The following ENPP1 variants were observed in gnomAD, a reference collection of about 807,000 sequenced individuals.
The protein encoded by ENPP1 is ectonucleotide pyrophosphatase/phosphodiesterase 1.
A neutral mutation model predicts 122.8 loss-of-function variants in ENPP1; 73 were observed. The observed-to-expected ratio is 0.59, with a 90% CI of 0.49 to 0.72. The LOEUF is 0.72. Ranked by LOEUF, ENPP1 falls within the 30% of genes least tolerant of loss-of-function variation. ENPP1 has a pLI of 0.00. For missense variants in ENPP1, 978 were observed against 1,128.1 expected (o/e 0.87, Z 1.91); for synonymous variants, 367 against 391.6 (o/e 0.94, Z 0.74).
intron 5 of ENPP1, among the ~76,000 whole-genome samples, chr6:131,854,264 T>C (rs1182607776): frequency 6.6e-6 from 1 of 151,812 alleles, no homozygotes; most frequent in East Asian, 1.9e-4. Context: ...AATAAATAAA[T>C]TAGCCAGGCA....
At chr6:131,823,270 A>G (rs1781503870) in intron 1 of ENPP1, among the ~76,000 whole-genome samples, 1 of 152,154 alleles carries the variant, frequency 6.6e-6, no homozygotes, top group Non-Finnish European at 1.5e-5. Context: ...GTGAGGTAGG[A>G]GGGAGCAAAT....
chr6:131,873,356 T>C (rs1227631307), intron 15 of ENPP1, among the ~76,000 whole-genome samples: 5 of 152,142 alleles, frequency 3.3e-5, no homozygotes, highest in African/African-American at 1.2e-4. Flanking sequence ...AAAAGTCCCA[T>C]GGGGAGGAAG....
chr6:131,824,510 A>G (rs1781521182), intron 1 of ENPP1, among the ~76,000 whole-genome samples: 1 of 152,212 alleles, frequency 6.6e-6, no homozygotes, highest in Non-Finnish European at 1.5e-5. Context: ...GCTGTAGTGC[A>G]GTGGCGCCAT....
intron 1 of ENPP1, among the ~76,000 whole-genome samples, chr6:131,825,130 T>C (rs1781531231): frequency 6.6e-6 from 1 of 152,198 alleles, no homozygotes; most frequent in Non-Finnish European, 1.5e-5. Context: ...CTGTTTGGTT[T>C]CTTTTTTATT....
intron 1 of ENPP1, chr6:131,820,080 G>A (rs1389455809): frequency 2.1e-5 from 10 of 486,548 alleles, no homozygotes; most frequent in Non-Finnish European, 3.1e-5. Context: ...GTCCATTTGC[G>A]ATGTAAACCA....
At chr6:131,880,797 A>G (rs1194741956) in intron 20 of ENPP1, among the ~76,000 whole-genome samples, 1 of 152,108 alleles carries the variant, frequency 6.6e-6, no homozygotes, top group Non-Finnish European at 1.5e-5. Flanking sequence ...ACATCATTGC[A>G]CGTACCATCT....
intron 22 of ENPP1, among the ~76,000 whole-genome samples, chr6:131,884,246 A>G (rs1213621216): frequency 6.6e-6 from 1 of 152,234 alleles, no homozygotes; most frequent in African/African-American, 2.4e-5. Flanking sequence ...TCTAATTTAT[A>G]TCTAGAATAC....
At chr6:131,887,725 A>ATTTTTTTT (rs757759048) in intron 24 of ENPP1, among the ~76,000 whole-genome samples, 1,343 of 114,718 alleles carry the variant, frequency 0.012, 33 homozygotes, top group African/African-American at 0.018. Flanking sequence ...CACCCGGCTA[A>ATTTTTTTT]TTTTTTTTTT....
intron 1 of ENPP1, chr6:131,820,019 C>CTAT: frequency 5.4e-6 from 3 of 556,048 alleles, no homozygotes; most frequent in Non-Finnish European, 6.9e-6. Context: ...CATAAGAAAT[C>CTAT]TGTTATCAAA....
intron 1 of ENPP1, among the ~76,000 whole-genome samples, chr6:131,837,588 C>T (rs1030234392): frequency 1.3e-5 from 2 of 149,232 alleles, no homozygotes; most frequent in Non-Finnish European, 3.0e-5. Context: ...TATAAAATAA[C>T]TCTTCCATTA....
chr6:131,811,247 T>C (rs976278041), intron 1 of ENPP1, among the ~76,000 whole-genome samples: 2 of 152,166 alleles, frequency 1.3e-5, no homozygotes, highest in African/African-American at 4.8e-5. Flanking sequence ...TCTGCTATAC[T>C]TATGAATACA....
rs755724684 is a variant in ENPP1, at chr6:131,872,050, T to C, written c.1406-20T>C. 2.6e-6 allele frequency: 4 copies of C among 1,549,088 alleles called. No individual in the cohort carries two copies. Among genetic ancestry groups the C allele is most frequent in the East Asian group, 4.5e-5 (2 of 44,446 alleles). On this transcript the variant is annotated intron_variant, in intron 13 of 24. Coordinates refer to ENST00000647893, the MANE Select transcript of ENPP1 (RefSeq NM_006208.3). ...ATAGTATACAATCAACTATTAATTC[T>C]TATGTTTGTTCCCCTCCAGTTAACT...
chr6:131,826,971 C>A, intron 1 of ENPP1: 1 of 399,738 alleles, frequency 2.5e-6, no homozygotes, highest in African/African-American at 2.1e-5. Flanking sequence ...AATTCTGCTC[C>A]AAAAAGCCAG....
rs145711857 is a variant in ENPP1 at position 131,884,796 on chromosome 6, C to T, written c.2312-135C>T. 2,192 of 1,065,480 alleles carry T rather than the reference C, an allele frequency of 2.1e-3. 4 individuals are homozygous for T. Among genetic ancestry groups the T allele is most frequent in the Non-Finnish European group, 1.8e-3 (1,264 of 698,454 alleles). 66.0% of individuals were successfully genotyped at this position (1,065,480 alleles called of 1,614,324 possible). On this transcript the variant is annotated intron_variant, in intron 22 of 24. Coordinates refer to ENST00000647893, the MANE Select transcript of ENPP1 (RefSeq NM_006208.3). ...TCTCTAAACAAAAAACAAAACAAAA[C>T]GAAGACTGAAGCCAAACTTGACTTT...
At chr6:131,859,043 T>A (rs1265782924) in intron 7 of ENPP1, among the ~76,000 whole-genome samples, 2 of 152,196 alleles carry the variant, frequency 1.3e-5, no homozygotes, top group Non-Finnish European at 2.9e-5. Flanking sequence ...GTATCCTAGT[T>A]TTGAGGCTTA....
intron 9 of ENPP1, among the ~76,000 whole-genome samples, chr6:131,862,086 T>G (rs113755193): frequency 1.1e-4 from 16 of 152,062 alleles, no homozygotes; most frequent in African/African-American, 3.9e-4. Context: ...GGAGAATCAC[T>G]TGAACCTGTG....
Position 131,886,660 on chromosome 6 carries a change from G to A in ENPP1, c.2543G>A (p.Cys848Tyr). The A allele has an allele frequency of 6.2e-7, 1 of 1,614,038 alleles. No homozygotes were observed. The highest frequency in any genetic ancestry group is 8.5e-7 in the Non-Finnish European group (1 of 1,179,926). Residue 848 changes from cysteine to tyrosine, a missense_variant, in exon 24 of 25, where the codon TGT becomes TAT. This residue lies in a region of ENPP1 where 644 missense variants were observed against 781.5 expected (regional missense o/e 0.82). Transcript: ENST00000647893. ...GATACATCTCAGACGCCTTTGCACT[G>A]TGAAAACCTAGACACCTTAGCTTTC... The part of the protein sequence containing the change: ...CKDTSQTPLH[C>Y]ENLDTLAFIL...
In ENPP1 at chr6:131,808,142, C is replaced by T. The variant is rs1304039196; in HGVS notation, c.107C>T (p.Ala36Val). 7.7e-6 allele frequency: 11 copies of T among 1,429,894 alleles called. No individual in the cohort carries two copies. The highest frequency in any genetic ancestry group is 1.0e-5 in the Non-Finnish European group (11 of 1,085,630). 88.6% of individuals were successfully genotyped at this position (1,429,894 alleles called of 1,614,324 possible). A position where few individuals can be genotyped will look rare whatever the true frequency, so the allele number is the denominator to read the frequency against. Residue 36 changes from alanine (A) to valine (V), a missense_variant, in exon 1 of 25, where the codon GCT becomes GTT. Physicochemically the swap from Ala to Val is moderately conservative, Grantham distance 64. This residue lies in a region of ENPP1 where 330 missense variants were observed against 328.5 expected (regional missense o/e 1.00). Coordinates refer to ENST00000647893, the MANE Select transcript of ENPP1 (RefSeq NM_006208.3). ...GGCCGCGATCGGGGCCGCAGCCACG[C>T]TGCCGAGGCGCCCGGGGACCCGCAG... ...GNGRDRGRSHAAEAPGDPQAA... is the reference protein window; with the variant it reads ...GNGRDRGRSHVAEAPGDPQAA...
intron 16 of ENPP1, among the ~76,000 whole-genome samples, chr6:131,875,069 G>A (rs1264293862): frequency 6.6e-6 from 1 of 152,126 alleles, no homozygotes; most frequent in East Asian, 1.9e-4. Flanking sequence ...AGGTGGGAGG[G>A]CAGGAGGAGT....
Sources: gnomAD v4.1 joint callset for allele counts (sites outside exome capture counted in the v4.1 genomes callset) on GRCh38, gnomAD v4.1.1 for gene constraint, gnomAD v4.1.1 regional missense constraint, MANE v1.5 for transcripts, NCBI Gene and HGNC (gene_info 2026-07-23, HGNC 2026-07-21) for gene names.